SESTD1: variants seen among roughly 807,000 people sequenced by gnomAD.
SESTD1 encodes SEC14 and spectrin domain containing 1.
In SESTD1, 43 loss-of-function variants were observed where a neutral mutation model predicts 101.7. That is an observed-to-expected ratio of 0.42 (90% CI 0.33 to 0.55). SESTD1 has a LOEUF of 0.55. Ranked by LOEUF, SESTD1 falls within the 20% of genes least tolerant of loss-of-function variation. SESTD1 has a pLI of 0.07. For synonymous variants in SESTD1, 283 were observed against 286.8 expected, an observed-to-expected ratio of 0.99 and a Z score of 0.13; for missense variants, 647 against 815.1, an observed-to-expected ratio of 0.79 and a Z score of 2.51.
intron 1 of SESTD1, among the ~76,000 whole-genome samples, chr2:179,249,086 G>A (rs555105463): frequency 2.2e-4 from 28 of 129,460 alleles, no homozygotes; most frequent in South Asian, 7.6e-4. Context: ...GTGAGATCCC[G>A]TCTTTAAGAA....
At chr2:179,237,317 C>T (rs1291024258) in intron 1 of SESTD1, among the ~76,000 whole-genome samples, 1 of 151,832 alleles carries the variant, frequency 6.6e-6, no homozygotes, top group Non-Finnish European at 1.5e-5. Context: ...GTTTTAATAC[C>T]CCATTCTCCT....
At chr2:179,226,982 G>C (rs965708267) in intron 1 of SESTD1, among the ~76,000 whole-genome samples, 7 of 152,162 alleles carry the variant, frequency 4.6e-5, no homozygotes, top group African/African-American at 1.7e-4. Flanking sequence ...ACTATGAATA[G>C]AGCATTATCT....
chr2:179,120,538 A>G (rs569822629), intron 13 of SESTD1, among the ~76,000 whole-genome samples: 1 of 152,360 alleles, frequency 6.6e-6, no homozygotes, highest in Admixed American at 6.5e-5. Context: ...AAAAACCAAG[A>G]AGAAACAGAG....
intron 1 of SESTD1, among the ~76,000 whole-genome samples, chr2:179,252,105 T>G (rs556035490): frequency 6.6e-6 from 1 of 152,324 alleles, no homozygotes; most frequent in Admixed American, 6.5e-5. Flanking sequence ...GGCTTAAATA[T>G]TCTCTCAAGG....
chr2:179,178,635 T>C (rs1284739761), intron 3 of SESTD1, among the ~76,000 whole-genome samples: 2 of 151,718 alleles, frequency 1.3e-5, no homozygotes, highest in Non-Finnish European at 2.9e-5. Flanking sequence ...CTAGGCAGGG[T>C]AGCTGGCTGT....
At chr2:179,134,604 T>G (rs2045095229) in intron 9 of SESTD1, among the ~76,000 whole-genome samples, 1 of 150,180 alleles carries the variant, frequency 6.7e-6, no homozygotes, top group African/African-American at 2.5e-5. Context: ...ATATATAATG[T>G]TTTTTTTTCT....
At chr2:179,185,349 G>T (rs1309663554) in intron 2 of SESTD1, among the ~76,000 whole-genome samples, 3 of 145,848 alleles carry the variant, frequency 2.1e-5, no homozygotes, top group Non-Finnish European at 4.5e-5. Flanking sequence ...ATTATACATT[G>T]TATTAATATA....
chr2:179,118,751 T>C (rs939831851), intron 13 of SESTD1, among the ~76,000 whole-genome samples: 1 of 152,184 alleles, frequency 6.6e-6, no homozygotes, highest in Non-Finnish European at 1.5e-5. Context: ...TAATGTGTGC[T>C]GGGGAAAATA....
At chr2:179,161,444 C>T (rs1005219944) in intron 5 of SESTD1, among the ~76,000 whole-genome samples, 7 of 152,042 alleles carry the variant, frequency 4.6e-5, no homozygotes, top group African/African-American at 9.7e-5. Flanking sequence ...GAGTGGATCA[C>T]GAGGTCAAGA....
chr2:179,194,067 A>T (rs2046356114), intron 1 of SESTD1, among the ~76,000 whole-genome samples: 1 of 152,058 alleles, frequency 6.6e-6, no homozygotes, highest in Admixed American at 6.5e-5. Context: ...GACATTTTGG[A>T]TGGCCTTTCT....
chr2:179,153,384 G>A (rs1383876136), intron 5 of SESTD1, among the ~76,000 whole-genome samples: 1 of 152,154 alleles, frequency 6.6e-6, no homozygotes, highest in East Asian at 1.9e-4. Context: ...TTTGGCAAGG[G>A]AGGAAGGAAG....
Position 179,172,140 on chromosome 2 carries a change from TCTC to T in SESTD1, c.346_348del (p.Glu116del). 1 of 1,608,794 alleles carries T rather than the reference TCTC, an allele frequency of 6.2e-7. No homozygotes were observed. The highest frequency in any genetic ancestry group is 8.5e-7 in the Non-Finnish European group (1 of 1,176,398). ...TTTACCTCAAAGCCAAGTCTATCCT[TCTC>T]CTTCCAAAAACAAAAATGCGTTACT... On this transcript the variant is annotated inframe_deletion, in exon 5 of 18. Coordinates refer to ENST00000428443, the MANE Select transcript of SESTD1 (RefSeq NM_178123.5).
chr2:179,182,378 A>G (rs1216515208), intron 3 of SESTD1, among the ~76,000 whole-genome samples: 2 of 152,174 alleles, frequency 1.3e-5, no homozygotes, highest in African/African-American at 2.4e-5. Context: ...AAAAATTCTG[A>G]TAAGCAGGCT....
At position 179,209,381 on chromosome 2, in the gene SESTD1, A is replaced by T. The variant is rs1231579994; in HGVS notation, c.-25-17515T>A. ...ACCCTAGAACAAATGGACTTAACAG[A>T]TATTTACAGAACATTCTACCCAACA... On this transcript the variant is annotated intron_variant, in intron 1 of 17. Coordinates refer to ENST00000428443, the MANE Select transcript of SESTD1 (RefSeq NM_178123.5). Among the ~76,000 whole-genome samples, 6 of 134,910 alleles carry T rather than the reference A, an allele frequency of 4.4e-5. 1 individual carries two copies. The highest frequency in any genetic ancestry group is 1.8e-4 in the African/African-American group (6 of 34,146). The allele number at this position is 134,910 out of a possible 152,430, so 88.5% of individuals were successfully genotyped here.
intron 10 of SESTD1, among the ~76,000 whole-genome samples, chr2:179,128,449 G>A (rs1035604249): frequency 1.3e-5 from 2 of 152,014 alleles, no homozygotes; most frequent in Non-Finnish European, 2.9e-5. Flanking sequence ...GGGTATGTAC[G>A]GCCGGGCACA....
intron 9 of SESTD1, among the ~76,000 whole-genome samples, chr2:179,135,660 G>C (rs184837113): frequency 1.7e-3 from 260 of 152,252 alleles, no homozygotes; most frequent in Middle Eastern, 0.01. Context: ...GGCTGAGATT[G>C]GAGAATCGTT....
chr2:179,151,454 C>T, intron 5 of SESTD1, 63 bp from the exon 6 acceptor site: 1 of 1,157,520 alleles, frequency 8.6e-7, no homozygotes, highest in African/African-American at 1.6e-5. Context: ...ACGAAAGTAA[C>T]CAGGAGGTAA....
At chr2:179,191,694 A>G (rs2046322383) in intron 2 of SESTD1, 93 bp downstream of exon 2, 3 of 1,057,900 alleles carry the variant, frequency 2.8e-6, no homozygotes, top group Non-Finnish European at 4.2e-6. Context: ...CAAAACTTTC[A>G]TTAAAAAAAA....
In SESTD1 at chr2:179,106,076, A is replaced by G. The variant is rs1015690102; in HGVS notation, c.*3823T>C. ...CCAACTGAAGCTTTTCATTTTTAGG[A>G]CTGAACGTTAACAATAAGTCTACTA... On this transcript the variant is annotated 3_prime_UTR_variant, in exon 18 of 18. Transcript: ENST00000428443. 1 of 152,154 alleles carries G rather than the reference A, an allele frequency of 6.6e-6. No homozygotes were observed. Among genetic ancestry groups the G allele is most frequent in the African/African-American group, 2.4e-5 (1 of 41,416 alleles). The allele number at this position is 152,154 out of a possible 1,614,324, so 9.4% of individuals were successfully genotyped here. A position where few individuals can be genotyped will look rare whatever the true frequency, so the allele number is the denominator to read the frequency against.
Sources: gnomAD v4.1 joint callset for allele counts (sites outside exome capture counted in the v4.1 genomes callset) on GRCh38, gnomAD v4.1.1 for gene constraint, MANE v1.5 for transcripts, NCBI Gene and HGNC (gene_info 2026-07-23, HGNC 2026-07-21) for gene names.